Variants in CCDC7 observed in about 807,000 individuals in gnomAD.
CCDC7 encodes coiled-coil domain containing 7, also known as coiled-coil domain-containing protein 7.
Under a neutral mutation model 196.9 loss-of-function variants are expected in CCDC7, and 183 were observed. The observed-to-expected ratio is 0.93, with a 90% CI of 0.82 to 1.05. CCDC7 has a LOEUF of 1.05. Ranked by LOEUF, CCDC7 falls within the 50% of genes least tolerant of loss-of-function variation. CCDC7 has a pLI of 0.00. For synonymous variants in CCDC7, 525 were observed against 484.6 expected (o/e 1.08, Z -1.10); for missense variants, 1,540 against 1,482.2 (o/e 1.04, Z -0.64).
intron 24 of CCDC7, among the ~76,000 whole-genome samples, chr10:32,698,472 T>G (rs1283150372): frequency 6.6e-6 from 1 of 152,078 alleles, no homozygotes; most frequent in East Asian, 1.9e-4. Context: ...ATTAGAAGAC[T>G]GGCTAACTAG....
intron 41 of CCDC7, 56 bp downstream of exon 42, chr10:32,854,545 A>T: frequency 8.9e-7 from 1 of 1,123,194 alleles, no homozygotes; most frequent in Non-Finnish European, 1.3e-6. Flanking sequence ...CTATATTCTC[A>T]TCGTCTCTAT....
At chr10:32,765,205 T>C (rs746591518) in intron 28 of CCDC7, among the ~76,000 whole-genome samples, 2 of 152,024 alleles carry the variant, frequency 1.3e-5, no homozygotes, top group Non-Finnish European at 2.9e-5. Context: ...TCTCCCAGCC[T>C]TCCTCAAAGG....
intron 28 of CCDC7, among the ~76,000 whole-genome samples, chr10:32,773,486 A>G (rs1221045161): frequency 6.6e-6 from 1 of 151,668 alleles, no homozygotes; most frequent in Non-Finnish European, 1.5e-5. Flanking sequence ...TTCAATTTAC[A>G]TATTCTTTAT....
At chr10:32,741,582 T>G (rs1056458810) in intron 28 of CCDC7, among the ~76,000 whole-genome samples, 2 of 152,216 alleles carry the variant, frequency 1.3e-5, no homozygotes, top group African/African-American at 4.8e-5. Context: ...GTAATCTATA[T>G]TTGGTTGGAA....
At chr10:32,446,901 CCTG>C (rs1358254734), upstream of CCDC7, among the ~76,000 whole-genome samples, 2 of 71,938 alleles carry the variant, frequency 2.8e-5, no homozygotes, top group African/African-American at 6.0e-5. Context: ...TGCCTGCCTG[CCTG>C]CCTCCCTCCC....
chr10:32,562,469 C>T (rs1307561556), intron 13 of CCDC7, among the ~76,000 whole-genome samples: 2 of 152,182 alleles, frequency 1.3e-5, no homozygotes, highest in East Asian at 1.9e-4. Context: ...AAGTTGGCTT[C>T]ATCCCTGGGA....
intron 24 of CCDC7, among the ~76,000 whole-genome samples, chr10:32,705,351 C>A (rs1261930995): frequency 6.6e-6 from 1 of 152,070 alleles, no homozygotes; most frequent in Non-Finnish European, 1.5e-5. Flanking sequence ...CTGGTACCAT[C>A]CACTGCAAAA....
Position 32,584,220 on chromosome 10 carries a change from TTTG to T in CCDC7, c.1729-9_1729-7del. 2 of 1,517,114 alleles carry T rather than the reference TTTG, an allele frequency of 1.3e-6. No individual in the cohort carries two copies. The highest frequency in any genetic ancestry group is 4.0e-4 in the Middle Eastern group (2 of 4,942). 94.0% of individuals were successfully genotyped at this position (1,517,114 alleles called of 1,614,324 possible). ...TAATTTCTAATTACTTATTACAACT[TTTG>T]TTATTAAGGCTGATGTTTCAGAAGA... On this transcript the variant is annotated splice_polypyrimidine_tract_variant and intron_variant, in intron 17 of 41. Coordinates refer to ENST00000639629, the Ensembl canonical transcript of CCDC7.
chr10:32,485,307 A>G (rs950805485), intron 8 of CCDC7, among the ~76,000 whole-genome samples: 3 of 152,158 alleles, frequency 2.0e-5, no homozygotes, highest in African/African-American at 7.2e-5. Context: ...ATTCTCTGAC[A>G]GCAGTTTGTA....
intron 24 of CCDC7, among the ~76,000 whole-genome samples, chr10:32,704,198 T>C (rs2079284831): frequency 6.6e-6 from 1 of 151,962 alleles, no homozygotes. Context: ...GGTGTGGATG[T>C]CCTTTCTGTT....
intron 28 of CCDC7, among the ~76,000 whole-genome samples, chr10:32,732,349 T>TATATAAACATATAAACTAA: frequency 6.6e-6 from 1 of 152,208 alleles, no homozygotes; most frequent in Non-Finnish European, 1.5e-5. Flanking sequence ...TTAGTTTATA[T>TATATAAACATATAAACTAA]GTTCAATCAC....
intron 9 of CCDC7, among the ~76,000 whole-genome samples, chr10:32,493,889 A>G (rs1267820963): frequency 6.6e-6 from 1 of 151,796 alleles, no homozygotes; most frequent in East Asian, 1.9e-4. Context: ...AAATGGTGTT[A>G]TTTGTTTTCT....
At chr10:32,731,449 TTTTTTTGTCTGA>T (rs1388405739) in intron 28 of CCDC7, among the ~76,000 whole-genome samples, 1 of 152,168 alleles carries the variant, frequency 6.6e-6, no homozygotes, top group African/African-American at 2.4e-5. Flanking sequence ...CTTTTCAGTT[TTTTTTTGTCTGA>T]TTCAGATTAC....
chr10:32,851,032 T>C (rs185907290), intron 39 of CCDC7, among the ~76,000 whole-genome samples: 3 of 152,320 alleles, frequency 2.0e-5, no homozygotes, highest in South Asian at 2.1e-4. Context: ...CAGAATGGAA[T>C]GCAGGCTGGG....
At chr10:32,793,612 ATTCCCAT>A (rs1196263069) in intron 29 of CCDC7, among the ~76,000 whole-genome samples, 4 of 152,172 alleles carry the variant, frequency 2.6e-5, no homozygotes, top group Non-Finnish European at 5.9e-5. Flanking sequence ...GGTATGTTGC[ATTCCCAT>A]TTTCATTTGT....
chr10:32,655,502 C>T (rs1396305862), intron 20 of CCDC7, among the ~76,000 whole-genome samples: 7 of 151,868 alleles, frequency 4.6e-5, no homozygotes, highest in Non-Finnish European at 1.0e-4. Flanking sequence ...TTTTCATATA[C>T]TTGTTGACTA....
At chr10:32,776,959 A>G (rs1364202179) in intron 28 of CCDC7, among the ~76,000 whole-genome samples, 3 of 152,082 alleles carry the variant, frequency 2.0e-5, no homozygotes, top group South Asian at 4.1e-4. Flanking sequence ...GATTAGTTAC[A>G]AAGTCTGTTG....
At chr10:32,780,089 TAGAC>T (rs113032020) in intron 29 of CCDC7, among the ~76,000 whole-genome samples, 24 of 151,916 alleles carry the variant, frequency 1.6e-4, no homozygotes, top group African/African-American at 5.8e-4. Flanking sequence ...TACAAAAAAT[TAGAC>T]AGGCATGGTG....
At chr10:32,621,217 T>C (rs2063371119) in intron 18 of CCDC7, among the ~76,000 whole-genome samples, 1 of 152,202 alleles carries the variant, frequency 6.6e-6, no homozygotes, top group Non-Finnish European at 1.5e-5. Flanking sequence ...GTGATATAGA[T>C]GCTTTCATGA....
Sources: gnomAD v4.1 joint callset for allele counts (sites outside exome capture counted in the v4.1 genomes callset) on GRCh38, gnomAD v4.1.1 for gene constraint, MANE v1.5 for transcripts, NCBI Gene and HGNC (gene_info 2026-07-23, HGNC 2026-07-21) for gene names.